The following FTO variants were observed in gnomAD, a reference collection of about 807,000 sequenced individuals.
FTO encodes FTO alpha-ketoglutarate dependent dioxygenase.
A neutral mutation model predicts 63.9 loss-of-function variants in FTO; 47 were observed. The observed-to-expected ratio is 0.74, with a 90% CI of 0.58 to 0.94. The LOEUF is 0.94. FTO is among the 40% of genes least tolerant of loss of function. The pLI, the probability that FTO is intolerant of heterozygous loss-of-function variation, is 0.00. For synonymous variants in FTO, 207 were observed against 224.4 expected (o/e 0.92, Z 0.69); for missense variants, 562 against 618.1 (o/e 0.91, Z 0.96).
intron 8 of FTO, among the ~76,000 whole-genome samples, chr16:54,029,809 C>T (rs1027868798): frequency 1.2e-4 from 19 of 152,154 alleles, no homozygotes; most frequent in African/African-American, 4.1e-4. Flanking sequence ...CAGACTTCCT[C>T]AGTTCATCCC....
intron 8 of FTO, among the ~76,000 whole-genome samples, chr16:54,084,145 C>G (rs907968513): frequency 1.3e-5 from 2 of 152,220 alleles, no homozygotes; most frequent in Admixed American, 1.3e-4. Flanking sequence ...CCAAGCATTT[C>G]AGAGAAGGGA....
chr16:53,797,750 A>G lies in FTO; in HGVS notation c.46-12390A>G, dbSNP rs540604494. On this transcript the variant is annotated intron_variant, in intron 1 of 8. Transcript: ENST00000471389. ...TCCAGATTGTCTTCCAAAGTAGTTGACCATTTTGTTTTCATGAGAGCAGTG... is the reference window on the plus strand; with the variant it reads ...TCCAGATTGTCTTCCAAAGTAGTTGGCCATTTTGTTTTCATGAGAGCAGTG... Among the ~76,000 whole-genome samples, 10 of 152,050 alleles carry G rather than the reference A, an allele frequency of 6.6e-5. No homozygotes were observed. The East Asian group carries it at 9.7e-4, about 15-fold the overall frequency.
chr16:54,016,212 A>G (rs2084442355), intron 8 of FTO, among the ~76,000 whole-genome samples: 1 of 151,610 alleles, frequency 6.6e-6, no homozygotes, highest in Non-Finnish European at 1.5e-5. Context: ...CCTCTTCACC[A>G]TTATGCTAAA....
chr16:53,860,915 C>T (rs1425322671), intron 4 of FTO, among the ~76,000 whole-genome samples: 1 of 151,342 alleles, frequency 6.6e-6, no homozygotes, highest in Non-Finnish European at 1.5e-5. Context: ...CACACACACA[C>T]ACGTTTACTG....
chr16:53,709,128 G>C (rs146822834), intron 1 of FTO, among the ~76,000 whole-genome samples: 129 of 152,138 alleles, frequency 8.5e-4, no homozygotes, highest in African/African-American at 2.8e-3. Context: ...TGGGCACTTA[G>C]TTTTTATTTT....
chr16:54,035,144 G>GA (rs1488111343), intron 8 of FTO, among the ~76,000 whole-genome samples: 1 of 152,204 alleles, frequency 6.6e-6, no homozygotes, highest in Admixed American at 6.5e-5. Context: ...AGTTGAACAG[G>GA]ATCTGATTTG....
intron 8 of FTO, among the ~76,000 whole-genome samples, chr16:53,968,166 A>G (rs2083237027): frequency 6.6e-6 from 1 of 152,202 alleles, no homozygotes; most frequent in Admixed American, 6.5e-5. Flanking sequence ...TAGTAAATCC[A>G]GCTTGAGATA....
intron 1 of FTO, among the ~76,000 whole-genome samples, chr16:53,711,054 C>G (rs1016520328): frequency 3.3e-5 from 5 of 150,794 alleles, no homozygotes; most frequent in African/African-American, 9.8e-5. Context: ...GCACATAAAA[C>G]ATTGCTGGCA....
At chr16:53,934,592 G>A (rs964368644) in intron 8 of FTO, among the ~76,000 whole-genome samples, 2 of 152,058 alleles carry the variant, frequency 1.3e-5, no homozygotes, top group Non-Finnish European at 2.9e-5. Context: ...TGTGAACCCC[G>A]CAAACCTTGA....
At chr16:53,709,556 C>T (rs1206759581) in intron 1 of FTO, among the ~76,000 whole-genome samples, 1 of 152,102 alleles carries the variant, frequency 6.6e-6, no homozygotes, top group African/African-American at 2.4e-5. Flanking sequence ...GTAGCATGCC[C>T]TTGATTGAGT....
intron 1 of FTO, among the ~76,000 whole-genome samples, chr16:53,790,850 A>C (rs1461844483): frequency 6.6e-6 from 1 of 152,182 alleles, no homozygotes; most frequent in Non-Finnish European, 1.5e-5. Context: ...TGATCTTAGG[A>C]ATTCTGGACA....
At chr16:54,000,218 T>C (rs1205492293) in intron 8 of FTO, among the ~76,000 whole-genome samples, 2 of 152,222 alleles carry the variant, frequency 1.3e-5, no homozygotes, top group African/African-American at 4.8e-5. Context: ...CACCTCATGT[T>C]GACATTTCAA....
intron 8 of FTO, among the ~76,000 whole-genome samples, chr16:54,062,340 T>G (rs1271717933): frequency 2.0e-5 from 3 of 152,146 alleles, no homozygotes; most frequent in African/African-American, 7.2e-5. Flanking sequence ...TTTTTGGTCT[T>G]CTGAACTGGG....
chr16:53,905,693 T>G (rs1458278417), intron 7 of FTO, among the ~76,000 whole-genome samples: 2 of 152,204 alleles, frequency 1.3e-5, no homozygotes, highest in East Asian at 3.9e-4. Context: ...AAATTATGTT[T>G]TATGTGTTCA....
intron 8 of FTO, among the ~76,000 whole-genome samples, chr16:53,976,570 A>G (rs1254773732): frequency 1.3e-5 from 2 of 152,084 alleles, no homozygotes; most frequent in African/African-American, 2.4e-5. Flanking sequence ...CCTTTTTGTC[A>G]GATGAATCTT....
rs1333301597 is a variant in FTO at position 53,848,680 on chromosome 16, G to A, written c.895+4382G>A. 1.3e-5 allele frequency among the ~76,000 whole-genome samples: 2 copies of A among 152,172 alleles called. 1 individual carries two copies. Among genetic ancestry groups the A allele is most frequent in the African/African-American group, 4.8e-5 (2 of 41,444 alleles). On this transcript the variant is annotated intron_variant, in intron 4 of 8. Coordinates refer to ENST00000471389, the MANE Select transcript of FTO (RefSeq NM_001080432.3). Reference sequence around the variant, plus strand: ...TTTCCATAGACTGAATGTAACCAGGGAGTTAGGGACTTAAAAGTGGCTTGG... The same window carrying A: ...TTTCCATAGACTGAATGTAACCAGGAAGTTAGGGACTTAAAAGTGGCTTGG...
intron 8 of FTO, among the ~76,000 whole-genome samples, chr16:54,107,814 A>T (rs2086790752): frequency 6.6e-6 from 1 of 152,212 alleles, no homozygotes; most frequent in Admixed American, 6.5e-5. Flanking sequence ...ACGGCAGCAA[A>T]ATGTTGATGG....
chr16:54,114,183 G>A lies in FTO; in HGVS notation c.*2268G>A, dbSNP rs1237090371. ...CCTCGCATGGCAGCAAGCTAAATAAGCATCTTCCCACTGCGAGTTGGGGCA... is the reference window on the plus strand; with the variant it reads ...CCTCGCATGGCAGCAAGCTAAATAAACATCTTCCCACTGCGAGTTGGGGCA... On this transcript the variant is annotated 3_prime_UTR_variant, in exon 9 of 9. Transcript: ENST00000471389. 2.0e-5 allele frequency: 3 copies of A among 152,156 alleles called. No individual in the cohort carries two copies. Among genetic ancestry groups the A allele is most frequent in the Non-Finnish European group, 4.4e-5 (3 of 68,032 alleles). The allele number at this position is 152,156 out of a possible 1,614,324, so 9.4% of individuals were successfully genotyped here. A position where few individuals can be genotyped will look rare whatever the true frequency, so the allele number is the denominator to read the frequency against.
intron 6 of FTO, 31 bp downstream of exon 6, chr16:53,880,018 G>A (rs11076004): frequency 0.41 from 631,695 of 1,531,034 alleles, 137,452 homozygotes; most frequent in East Asian, 0.69. Flanking sequence ...TTTTTGAGAT[G>A]GAGTCTCGCT....
Sources: gnomAD v4.1 joint callset for allele counts (sites outside exome capture counted in the v4.1 genomes callset) on GRCh38, gnomAD v4.1.1 for gene constraint, MANE v1.5 for transcripts, NCBI Gene and HGNC (gene_info 2026-07-23, HGNC 2026-07-21) for gene names.